MAPKBP1: variants seen among roughly 807,000 people sequenced by gnomAD.
The protein encoded by MAPKBP1 is mitogen-activated protein kinase binding protein 1, also known as mitogen-activated protein kinase-binding protein 1.
Under a neutral mutation model 170.5 loss-of-function variants are expected in MAPKBP1, and 71 were observed. The observed-to-expected ratio is 0.42, with a 90% confidence interval of 0.34 to 0.51. The LOEUF is 0.51. Among genes scored for constraint, MAPKBP1 ranks in the 20% least tolerant of loss-of-function variants. The pLI, the probability that MAPKBP1 is intolerant of heterozygous loss-of-function variation, is 0.06. For synonymous variants in MAPKBP1, 719 were observed against 757.9 expected, an observed-to-expected ratio of 0.95 and a Z score of 0.84; for missense variants, 1,598 against 1,933.0, an observed-to-expected ratio of 0.83 and a Z score of 3.25.
rs866906563 is a variant in MAPKBP1, at chr15:41,799,934, G to A, written c.206+20G>A. 3.7e-6 allele frequency: 6 copies of A among 1,610,452 alleles called. No individual in the cohort carries two copies. In the Middle Eastern group the frequency reaches 5.0e-4, roughly 133 times the overall value. On this transcript the variant is annotated intron_variant, in intron 3 of 30. Coordinates refer to ENST00000457542, the MANE Select transcript of MAPKBP1 (RefSeq NM_014994.3). ...AGCAGGGTAAGTAAGCGCCTTGGAA[G>A]AGATCTTGATGCATGGGAATTTATA...
At chr15:41,787,980 C>T (rs2064328913) in intron 2 of MAPKBP1, among the ~76,000 whole-genome samples, 1 of 152,086 alleles carries the variant, frequency 6.6e-6, no homozygotes, top group Non-Finnish European at 1.5e-5. Context: ...TTTCCCAAGA[C>T]AGAGTCTTGC....
At chr15:41,777,618 C>G (rs1370910469) in intron 2 of MAPKBP1, among the ~76,000 whole-genome samples, 1 of 152,106 alleles carries the variant, frequency 6.6e-6, no homozygotes, top group Non-Finnish European at 1.5e-5. Context: ...CTTTAGCACC[C>G]AAGAGGAGTA....
intron 22 of MAPKBP1, 35 bp downstream of exon 22, chr15:41,819,685 T>C (rs762883270): frequency 1.9e-6 from 3 of 1,588,902 alleles, no homozygotes; most frequent in Non-Finnish European, 2.6e-6. Context: ...CTTCCAAGGT[T>C]AGAGGAGGCA....
chr15:41,815,677 A>T lies in MAPKBP1; in HGVS notation c.1371A>T (p.Thr457=). Residue 457 remains threonine (T), a synonymous_variant, in exon 12 of 31, where the codon ACA becomes ACT. Transcript: ENST00000457542. ...VDGNTQALLD[T]ELPGGDKADA... is the part of the protein sequence containing the mutation. ...GGAACACCCAGGCCCTGCTGGACAC[A>T]GAGCTGCCTGGAGGAGACAAAGCTG... 1 of 1,614,156 alleles carries T rather than the reference A, an allele frequency of 6.2e-7. No individual in the cohort carries two copies. Among genetic ancestry groups the T allele is most frequent in the Non-Finnish European group, 8.5e-7 (1 of 1,179,994 alleles).
chr15:41,793,922 A>G (rs182231340), intron 2 of MAPKBP1, among the ~76,000 whole-genome samples: 49 of 152,252 alleles, frequency 3.2e-4, no homozygotes, highest in Admixed American at 3.2e-3. Context: ...GACAGACATG[A>G]GAAACTTAAA....
Position 41,819,458 on chromosome 15 carries a change from G to A in MAPKBP1, c.2425+79G>A, listed in dbSNP as rs547414964. ...GATATGGTTTTTCTGAGACTGTGGG[G>A]TGAGAGCAGTGTGAGCTGAGGAAAC... On this transcript the variant is annotated intron_variant, in intron 21 of 30. Coordinates refer to ENST00000457542, the MANE Select transcript of MAPKBP1 (RefSeq NM_014994.3). The A allele has an allele frequency of 3.8e-6, 6 of 1,597,816 alleles. No individual in the cohort carries two copies. The African/African-American group carries it at 5.4e-5, about 14-fold the overall frequency.
intron 2 of MAPKBP1, among the ~76,000 whole-genome samples, chr15:41,796,636 AG>A (rs1289257810): frequency 2.0e-5 from 3 of 152,178 alleles, no homozygotes; most frequent in Non-Finnish European, 4.4e-5. Flanking sequence ...TTAGAAAGCC[AG>A]AAAAAGCCAA....
rs143222920 is a variant in MAPKBP1 at position 41,813,220 on chromosome 15, C to T, written c.819+119C>T. The stretch of plus-strand genomic sequence containing the variant: ...GTGCATACGGGAGATCCCAGGAGAA[C>T]GAAGCTTGGGGGAGCTAGAGCTTGG... On this transcript the variant is annotated intron_variant, in intron 8 of 30. Coordinates refer to ENST00000457542, the MANE Select transcript of MAPKBP1 (RefSeq NM_014994.3). 4.4e-5 allele frequency: 66 copies of T among 1,515,822 alleles called. No homozygotes were observed. The East Asian group carries it at 8.3e-4, about 19-fold the overall frequency. 93.9% of individuals were successfully genotyped at this position (1,515,822 alleles called of 1,614,324 possible). A position where few individuals can be genotyped will look rare whatever the true frequency, so the allele number is the denominator to read the frequency against.
At chr15:41,807,210 G>A (rs1313768059) in intron 3 of MAPKBP1, among the ~76,000 whole-genome samples, 2 of 152,048 alleles carry the variant, frequency 1.3e-5, no homozygotes, top group African/African-American at 2.4e-5. Flanking sequence ...TTCTATCTAC[G>A]TAGTGTTCCT....
chr15:41,817,449 T>G lies in MAPKBP1; in HGVS notation c.1773T>G (p.Thr591=). The G allele has an allele frequency of 6.8e-7, 1 of 1,478,320 alleles. No homozygotes were observed. 91.6% of individuals were successfully genotyped at this position (1,478,320 alleles called of 1,614,324 possible). Residue 591 remains threonine, a synonymous_variant, in exon 15 of 31, where the codon ACT becomes ACG. Transcript: ENST00000457542. This position sits in a 1 kb window ranked among gnomAD's most constrained non-coding sequence, Gnocchi z 4.2. ...CAGACAAGAGCATCTACTTCCGCAC[T>G]GCGCAGAAGGTGAGGGCGCTGGGCT... ...CGADKSIYFR[T]AQKSGDGVQF...
rs375353103 is a variant in MAPKBP1 at position 41,817,663 on chromosome 15, C to T, written c.1832C>T (p.Thr611Met). ...FTRTHHVVRK[T>M]TLYDMDVEPS... The stretch of plus-strand genomic sequence containing the variant: ...CGGACACACCACGTGGTGCGGAAGA[C>T]GACCCTCTATGACATGGATGTGGAG... Residue 611 changes from threonine to methionine, a missense_variant, in exon 16 of 31, where the codon ACG (threonine) becomes ATG (methionine). Physicochemically the swap from Thr to Met is moderately conservative, Grantham distance 81 (BLOSUM62 -1). Transcript: ENST00000457542. The surrounding 1 kb of genome is among the most constrained non-coding windows in gnomAD (Gnocchi z 4.2). 3.0e-5 allele frequency: 48 copies of T among 1,614,194 alleles called. No homozygotes were observed. The Middle Eastern group carries it at 4.9e-4, about 17-fold the overall frequency.
intron 9 of MAPKBP1, 146 bp from the exon 10 acceptor site, chr15:41,814,404 G>A (rs1490459224): frequency 5.6e-6 from 4 of 710,860 alleles, no homozygotes; most frequent in Non-Finnish European, 9.2e-6. Flanking sequence ...CTGATGGCTA[G>A]TAGGGGCTCC....
In MAPKBP1 at chr15:41,818,421, C is replaced by A; in HGVS notation, c.2093-98C>A. On this transcript the variant is annotated intron_variant, in intron 18 of 30. Coordinates refer to ENST00000457542, the MANE Select transcript of MAPKBP1 (RefSeq NM_014994.3). The surrounding 1 kb of genome is among the most constrained non-coding windows in gnomAD (Gnocchi z 5.2). ...CTTGGGACCCGCAGAGCTACCTATC[C>A]CTACCCTGCAGCCAACCCCCGTGTC... 7.0e-7 allele frequency: 1 copy of A among 1,427,334 alleles called. No individual in the cohort carries two copies. The highest frequency in any genetic ancestry group is 9.8e-7 in the Non-Finnish European group (1 of 1,020,956). The allele number at this position is 1,427,334 out of a possible 1,614,324, so 88.4% of individuals were successfully genotyped here.
At chr15:41,815,484 C>G in intron 11 of MAPKBP1, 79 bp downstream of exon 11, 1 of 1,581,642 alleles carries the variant, frequency 6.3e-7, no homozygotes. Context: ...TTACTGGGAA[C>G]TGGTCCCTAG....
Position 41,820,846 on chromosome 15 carries a change from G to A in MAPKBP1, c.2496G>A (p.Val832=). The change falls in exon 23 of 31, where the codon GTG becomes GTA. Residue 832 remains valine, a synonymous_variant. Coordinates refer to ENST00000457542, the MANE Select transcript of MAPKBP1 (RefSeq NM_014994.3). ...HWEMSRAQES[V]GFLDPAPAAN... is the part of the protein sequence containing the mutation. Reference sequence around the variant, plus strand: ...CCTCCCACCAGGCACAGGAGTCCGTGGGGTTCCTGGACCCAGCTCCTGCAG... The same window carrying A: ...CCTCCCACCAGGCACAGGAGTCCGTAGGGTTCCTGGACCCAGCTCCTGCAG... The A allele has an allele frequency of 1.9e-6, 3 of 1,613,736 alleles. No homozygotes were observed. The highest frequency in any genetic ancestry group is 2.5e-6 in the Non-Finnish European group (3 of 1,179,800).
intron 2 of MAPKBP1, among the ~76,000 whole-genome samples, chr15:41,782,640 T>C (rs775628124): frequency 6.6e-5 from 10 of 152,164 alleles, no homozygotes; most frequent in Non-Finnish European, 1.2e-4. Flanking sequence ...CTTTCTGAAC[T>C]CCAGGGCCCA....
intron 2 of MAPKBP1, among the ~76,000 whole-genome samples, chr15:41,792,714 A>T (rs530491095): frequency 1.3e-5 from 2 of 152,322 alleles, no homozygotes; most frequent in South Asian, 4.1e-4. Flanking sequence ...GCTGTATTTC[A>T]TCGGCATTTG....
intron 23 of MAPKBP1, 95 bp from the exon 24 acceptor site, chr15:41,821,488 GA>G: frequency 8.7e-7 from 1 of 1,145,364 alleles, no homozygotes. Context: ...TCTCCAAGGG[GA>G]GGGTTGGCCC....
chr15:41,817,566 T>C lies in MAPKBP1; in HGVS notation c.1783-48T>C, dbSNP rs1392918328. The C allele has an allele frequency of 6.2e-7, 1 of 1,613,568 alleles. No individual in the cohort carries two copies. Among genetic ancestry groups the C allele is most frequent in the African/African-American group, 1.3e-5 (1 of 74,936 alleles). On this transcript the variant is annotated intron_variant, in intron 15 of 30. Transcript: ENST00000457542. This position sits in a 1 kb window ranked among gnomAD's most constrained non-coding sequence, Gnocchi z 4.2. ...AGGCGCAAGTAGGGCTCTTGGGGCC[T>C]GGTGAGGCATTTGGGTGTGGGCCTG...
Sources: allele counts gnomAD v4.1 joint callset (sites outside exome capture counted in the v4.1 genomes callset), GRCh38; gene constraint gnomAD v4.1.1; non-coding constraint Gnocchi (gnomAD v3.1); transcripts MANE v1.5; gene names NCBI Gene and HGNC (gene_info 2026-07-23, HGNC 2026-07-21).